The following RNF220 variants were observed in gnomAD, a reference collection of about 807,000 sequenced individuals.
The protein encoded by RNF220 is ring finger protein 220.
In RNF220, 7 loss-of-function variants were observed where a neutral mutation model predicts 67.1. That is an observed-to-expected ratio of 0.10 (90% confidence interval 0.06 to 0.20). The LOEUF is 0.20. RNF220 is among the 10% of genes least tolerant of loss of function. The pLI is 1.00. For missense variants in RNF220, 565 were observed against 740.3 expected (o/e 0.76, Z 2.75); for synonymous variants, 270 against 283.2 (o/e 0.95, Z 0.47).
chr1:44,650,993 T>G lies in RNF220; in HGVS notation c.*218T>G. 11 of 522,382 alleles carry G rather than the reference T, an allele frequency of 2.1e-5. No individual in the cohort carries two copies. The highest frequency in any genetic ancestry group is 3.7e-5 in the East Asian group (1 of 27,312). 32.4% of individuals were successfully genotyped at this position (522,382 alleles called of 1,614,324 possible). A position where few individuals can be genotyped will look rare whatever the true frequency, so the allele number is the denominator to read the frequency against. ...GGCACTACCTGCTGGCTCCCACCTA[T>G]GGTTTGGGGGCCATACCTGTTCCAG... On this transcript the variant is annotated 3_prime_UTR_variant, in exon 15 of 15. Transcript: ENST00000361799. The surrounding 1 kb of genome is among the most constrained non-coding windows in gnomAD (Gnocchi z 4.3).
At chr1:44,484,484 C>T (rs1274209405) in intron 2 of RNF220, among the ~76,000 whole-genome samples, 1 of 152,026 alleles carries the variant, frequency 6.6e-6, no homozygotes, top group Non-Finnish European at 1.5e-5. Flanking sequence ...CCAGTGAGTA[C>T]GAAGGCAACA....
chr1:44,477,816 G>A (rs1311297820), intron 2 of RNF220, among the ~76,000 whole-genome samples: 3 of 152,204 alleles, frequency 2.0e-5, no homozygotes, highest in African/African-American at 7.2e-5. Context: ...TCACAAAACT[G>A]AGTCAAAAGT....
chr1:44,571,246 C>T (rs957267855), intron 2 of RNF220, among the ~76,000 whole-genome samples: 2 of 152,168 alleles, frequency 1.3e-5, no homozygotes, highest in African/African-American at 4.8e-5. Context: ...CCCCATCGTT[C>T]CTTGAATACA....
At chr1:44,507,677 G>T (rs530794021) in intron 2 of RNF220, among the ~76,000 whole-genome samples, 3 of 152,272 alleles carry the variant, frequency 2.0e-5, no homozygotes, top group Middle Eastern at 3.4e-3. Flanking sequence ...GGACGCAGAG[G>T]GGGGTACGGA....
intron 2 of RNF220, among the ~76,000 whole-genome samples, chr1:44,588,166 C>A (rs1267785387): frequency 2.6e-5 from 4 of 152,214 alleles, no homozygotes; most frequent in Non-Finnish European, 4.4e-5. Context: ...AGTATTTGGA[C>A]CACTTGAAGA....
In RNF220 at chr1:44,645,717, A is replaced by T. The variant is rs944514249; in HGVS notation, c.1445+229A>T. Among the ~76,000 whole-genome samples, 1 of 151,820 alleles carries T rather than the reference A, an allele frequency of 6.6e-6. No individual in the cohort carries two copies. The highest frequency in any genetic ancestry group is 2.4e-5 in the African/African-American group (1 of 41,354). Reference sequence around the variant, plus strand: ...GCCTTGGCGGTGGGAGGAGCAGTCCACCCGCCTGCCTGCCTGCCTGCCCGC... The same window carrying T: ...GCCTTGGCGGTGGGAGGAGCAGTCCTCCCGCCTGCCTGCCTGCCTGCCCGC... On this transcript the variant is annotated intron_variant, in intron 12 of 14. Coordinates refer to ENST00000361799, the MANE Select transcript of RNF220 (RefSeq NM_018150.4). This position sits in a 1 kb window ranked among gnomAD's most constrained non-coding sequence, Gnocchi z 5.0.
intron 2 of RNF220, among the ~76,000 whole-genome samples, chr1:44,501,637 CT>C (rs1175398132): frequency 1.3e-5 from 2 of 151,916 alleles, no homozygotes; most frequent in Non-Finnish European, 2.9e-5. Flanking sequence ...GAGCCTTTGA[CT>C]TTTTAAGCCA....
chr1:44,627,936 C>T (rs1644004853), intron 5 of RNF220, among the ~76,000 whole-genome samples: 1 of 152,228 alleles, frequency 6.6e-6, no homozygotes, highest in South Asian at 2.1e-4. Context: ...CAGACTCCGC[C>T]GAATGCCTTT....
chr1:44,421,205 A>G (rs1223258878), intron 2 of RNF220, among the ~76,000 whole-genome samples: 1 of 152,140 alleles, frequency 6.6e-6, no homozygotes, highest in African/African-American at 2.4e-5. Flanking sequence ...CTCGGGTTGG[A>G]TATCTAGGCA....
chr1:44,627,551 T>C (rs1643993528), intron 5 of RNF220, among the ~76,000 whole-genome samples: 1 of 151,990 alleles, frequency 6.6e-6, no homozygotes, highest in Admixed American at 6.5e-5. Flanking sequence ...AAACGGACCT[T>C]CTCTGGAGTA....
intron 2 of RNF220, among the ~76,000 whole-genome samples, chr1:44,589,778 T>C (rs1665984653): frequency 6.6e-6 from 1 of 152,130 alleles, no homozygotes; most frequent in South Asian, 2.1e-4. Flanking sequence ...GTGTCTTATA[T>C]TTCTGTCTCT....
intron 5 of RNF220, chr1:44,632,023 A>C: frequency 9.6e-7 from 1 of 1,045,596 alleles, no homozygotes; most frequent in South Asian, 4.6e-5. Flanking sequence ...GCCGCCGGGC[A>C]GCCACGGGGA....
At chr1:44,424,878 C>T (rs1288601882) in intron 2 of RNF220, among the ~76,000 whole-genome samples, 2 of 152,276 alleles carry the variant, frequency 1.3e-5, no homozygotes, top group Non-Finnish European at 2.9e-5. Context: ...GCCCCTTGGG[C>T]TCCAGCCCGC....
At chr1:44,526,077 C>A (rs1660349213) in intron 2 of RNF220, among the ~76,000 whole-genome samples, 1 of 152,202 alleles carries the variant, frequency 6.6e-6, no homozygotes, top group South Asian at 2.1e-4. Context: ...TTCTTCGTGC[C>A]ATTTCCTCAC....
intron 2 of RNF220, among the ~76,000 whole-genome samples, chr1:44,445,018 C>T (rs1415741037): frequency 6.6e-6 from 1 of 152,136 alleles, no homozygotes; most frequent in Non-Finnish European, 1.5e-5. Context: ...TTCATGTTCC[C>T]ACTAGTACTT....
At chr1:44,632,897 T>C (rs529250562) in intron 6 of RNF220, 1 of 161,024 alleles carries the variant, frequency 6.2e-6, no homozygotes, top group African/African-American at 2.4e-5. Context: ...TTCACAAAGG[T>C]GATCAGCGTG....
At chr1:44,647,302 C>G (rs892923270) in intron 12 of RNF220, among the ~76,000 whole-genome samples, 1 of 152,142 alleles carries the variant, frequency 6.6e-6, no homozygotes, top group South Asian at 2.1e-4. Flanking sequence ...CAGCTTAGTC[C>G]TTGGAGTGGA....
intron 2 of RNF220, among the ~76,000 whole-genome samples, chr1:44,596,163 GTA>G (rs1666471960): frequency 6.6e-6 from 1 of 152,262 alleles, no homozygotes; most frequent in Non-Finnish European, 1.5e-5. Flanking sequence ...AGGGGAGCAG[GTA>G]GGATATTTCT....
At chr1:44,598,325 G>A (rs1021673011) in intron 2 of RNF220, among the ~76,000 whole-genome samples, 8 of 152,174 alleles carry the variant, frequency 5.3e-5, no homozygotes, top group African/African-American at 1.4e-4. Context: ...CTCCTGGTCC[G>A]CTAACGAGGC....
Sources: allele counts gnomAD v4.1 joint callset (sites outside exome capture counted in the v4.1 genomes callset), GRCh38; gene constraint gnomAD v4.1.1; non-coding constraint Gnocchi (gnomAD v3.1); transcripts MANE v1.5; gene names NCBI Gene and HGNC (gene_info 2026-07-23, HGNC 2026-07-21).